ZBTB11: variants seen among roughly 807,000 people sequenced by gnomAD.
ZBTB11 encodes the protein zinc finger and BTB domain-containing protein 11.
In ZBTB11, 68 loss-of-function variants were observed where a neutral mutation model predicts 113.1. That is an observed-to-expected ratio of 0.60 (90% CI 0.49 to 0.74). The LOEUF is 0.74. ZBTB11 is among the 30% of genes least tolerant of loss of function. The pLI, the probability that ZBTB11 is intolerant of heterozygous loss-of-function variation, is 0.00. For synonymous variants in ZBTB11, 518 were observed against 452.6 expected, an observed-to-expected ratio of 1.14 and a Z score of -1.83; for missense variants, 1,104 against 1,279.4, an observed-to-expected ratio of 0.86 and a Z score of 2.09.
In ZBTB11 at chr3:101,676,681, C is replaced by T; in HGVS notation, c.234G>A (p.Ala78=). The T allele has an allele frequency of 6.3e-7, 1 of 1,594,358 alleles. No individual in the cohort carries two copies. The stretch of plus-strand genomic sequence containing the variant: ...GGTGAGTGCCGCCGGGACCCAGGTG[C>T]GCCGCCTCGATGAGGTCCCGGCGTC... ...PERRRDLIEA[A]HLGPGGTHHT... The change falls in exon 1 of 11, where the codon GCG becomes GCA. Residue 78 remains alanine (A), a synonymous_variant. Coordinates refer to ENST00000312938, the MANE Select transcript of ZBTB11 (RefSeq NM_014415.4).
intron 8 of ZBTB11, 98 bp from the exon 9 acceptor site, chr3:101,653,036 A>G (rs1209202930): frequency 1.6e-6 from 2 of 1,275,880 alleles, no homozygotes; most frequent in African/African-American, 1.5e-5. Context: ...GAACTCCAAA[A>G]GATGATCTCA....
intron 8 of ZBTB11, among the ~76,000 whole-genome samples, chr3:101,654,422 G>A (rs554883094): frequency 3.3e-5 from 5 of 152,054 alleles, no homozygotes; most frequent in African/African-American, 1.2e-4. Context: ...TGAAGAAGAG[G>A]GGGGGAAAGA....
At chr3:101,652,726 A>C in intron 9 of ZBTB11, 54 bp downstream of exon 9, 5 of 1,610,732 alleles carry the variant, frequency 3.1e-6, no homozygotes, top group Non-Finnish European at 3.4e-6. Flanking sequence ...CAGCCATAAC[A>C]ATCAGAGTAC....
At chr3:101,656,044 T>A in intron 7 of ZBTB11, 60 bp downstream of exon 7, 1 of 1,226,782 alleles carries the variant, frequency 8.2e-7, no homozygotes, top group Non-Finnish European at 1.1e-6. Context: ...CTGGTATAAT[T>A]AAAGCATAAT....
At chr3:101,668,744 C>T (rs1022764790) in intron 3 of ZBTB11, among the ~76,000 whole-genome samples, 7 of 151,736 alleles carry the variant, frequency 4.6e-5, no homozygotes, top group Non-Finnish European at 1.0e-4. Context: ...ATACATGTAC[C>T]AAAATATCAT....
At position 101,651,540 on chromosome 3, in the gene ZBTB11, G is replaced by A. The variant is rs907594503; in HGVS notation, c.2788C>T (p.Arg930Cys). The A allele has an allele frequency of 2.5e-6, 4 of 1,614,002 alleles. No individual in the cohort carries two copies. Among genetic ancestry groups the A allele is most frequent in the African/African-American group, 1.3e-5 (1 of 74,914 alleles). ...CTGTGGAATTTAGTCATATGTTTAC[G>A]GAGTGTTCGAGCATCTATGTAGGCT... ...SEAYIDARTL[R>C]KHMTKFHRDY... Residue 930 changes from arginine (R) to cysteine (C), a missense_variant, in exon 11 of 11, where the codon CGT (arginine) becomes TGT (cysteine). Coordinates refer to ENST00000312938, the MANE Select transcript of ZBTB11 (RefSeq NM_014415.4).
intron 6 of ZBTB11, among the ~76,000 whole-genome samples, chr3:101,657,527 C>A (rs190039694): frequency 2.6e-5 from 4 of 151,294 alleles, no homozygotes; most frequent in Non-Finnish European, 4.4e-5. Flanking sequence ...AAACAAAAAC[C>A]TGGCAGGGTG....
Position 101,659,774 on chromosome 3 carries a change from T to C in ZBTB11, c.2046+9A>G. 3 of 1,613,542 alleles carry C rather than the reference T, an allele frequency of 1.9e-6. No individual in the cohort carries two copies. Among genetic ancestry groups the C allele is most frequent in the South Asian group, 1.1e-5 (1 of 91,066 alleles). The stretch of plus-strand genomic sequence containing the variant: ...TCTTTAAATAGCAAAATAAACGTTA[T>C]AGCTTTACCTGGCATGCATGTGGCT... On this transcript the variant is annotated intron_variant, in intron 6 of 10. Coordinates refer to ENST00000312938, the MANE Select transcript of ZBTB11 (RefSeq NM_014415.4).
At position 101,649,200 on chromosome 3, in the gene ZBTB11, C is replaced by A. The variant is rs879465229; in HGVS notation, c.*1966G>T. The A allele has an allele frequency of 6.6e-6, 1 of 152,188 alleles. No homozygotes were observed. The highest frequency in any genetic ancestry group is 1.5e-5 in the Non-Finnish European group (1 of 68,024). 9.4% of individuals were successfully genotyped at this position (152,188 alleles called of 1,614,324 possible). A position where few individuals can be genotyped will look rare whatever the true frequency, so the allele number is the denominator to read the frequency against. On this transcript the variant is annotated 3_prime_UTR_variant, in exon 11 of 11. Coordinates refer to ENST00000312938, the MANE Select transcript of ZBTB11 (RefSeq NM_014415.4). ...GGCATGAAAACAGGAATGCCTGTTCCCATTTAGGGCCATGGGTTTCCAGGC... is the reference window on the plus strand; with the variant it reads ...GGCATGAAAACAGGAATGCCTGTTCACATTTAGGGCCATGGGTTTCCAGGC...
In ZBTB11 at chr3:101,664,733, C is replaced by A. The variant is rs1160137087; in HGVS notation, c.1624-19G>T. 3 of 1,568,824 alleles carry A rather than the reference C, an allele frequency of 1.9e-6. No individual in the cohort carries two copies. The highest frequency in any genetic ancestry group is 1.4e-5 in the African/African-American group (1 of 72,458). ...GAGCCACCTAGTAAGGGATAGAAAT[C>A]ACAATCTAAGTAAATCTACTCAATT... On this transcript the variant is annotated intron_variant, in intron 4 of 10. Transcript: ENST00000312938.
At chr3:101,664,047 G>C (rs1427018836) in intron 5 of ZBTB11, among the ~76,000 whole-genome samples, 3 of 152,218 alleles carry the variant, frequency 2.0e-5, no homozygotes, top group African/African-American at 7.2e-5. Context: ...CCTTTCCAGA[G>C]AGTAGAAGAT....
In ZBTB11 at chr3:101,659,930, C is replaced by T. The variant is rs369601311; in HGVS notation, c.1899G>A (p.Thr633=). The change falls in exon 6 of 11, where the codon ACG becomes ACA. Residue 633 remains threonine (T), a synonymous_variant. Coordinates refer to ENST00000312938, the MANE Select transcript of ZBTB11 (RefSeq NM_014415.4). ...ATGATGTTCCCGATGCTTCATTAGA[C>T]GTGGAATTGGACGAGGATGAAGAGG... is the stretch of plus-strand genomic sequence containing the variant. ...DAPSSSSSNS[T]SNEASGTSSE... 2.4e-5 allele frequency: 38 copies of T among 1,613,924 alleles called. No individual in the cohort carries two copies. The highest frequency in any genetic ancestry group is 1.6e-4 in the Middle Eastern group (1 of 6,084).
rs1474655532 is a variant in ZBTB11 at position 101,651,372 on chromosome 3, C to T, written c.2956G>A (p.Val986Met). 2 of 1,613,988 alleles carry T rather than the reference C, an allele frequency of 1.2e-6. No individual in the cohort carries two copies. Among genetic ancestry groups the T allele is most frequent in the Admixed American group, 3.3e-5 (2 of 60,010 alleles). The change falls in exon 11 of 11, where the codon GTG becomes ATG. Residue 986 changes from valine to methionine, a missense_variant. Physicochemically the swap from Val to Met is conservative, Grantham distance 21 (BLOSUM62 1). Around this residue, in one of 5 missense-constraint regions of ZBTB11, gnomAD observed 90 missense variants for 98.0 expected, o/e 0.92. Coordinates refer to ENST00000312938, the MANE Select transcript of ZBTB11 (RefSeq NM_014415.4). Reference protein sequence around the residue: ...ESSGPQELETVVVTGETMEAL... With the variant: ...ESSGPQELETMVVTGETMEAL... ...TCCATAGTTTCTCCTGTCACTACCACAGTCTCAAGTTCTTGAGGACCACTG... is the reference window on the plus strand; with the variant it reads ...TCCATAGTTTCTCCTGTCACTACCATAGTCTCAAGTTCTTGAGGACCACTG...
chr3:101,671,100 CAA>C (rs749540770), intron 3 of ZBTB11, 28 bp downstream of exon 3: 1 of 1,579,936 alleles, frequency 6.3e-7, no homozygotes, highest in South Asian at 1.1e-5. Context: ...TCATTACAAA[CAA>C]AAAGCAAGAG....
At position 101,677,045 on chromosome 3, in the gene ZBTB11, G is replaced by T. The variant is rs1434115578; in HGVS notation, c.-131C>A. ...GCTGCGCCTTTGGCGAGCGCTCTTC[G>T]ACGGCTCCCTTAGTCCGAAGGAAAA... On this transcript the variant is annotated 5_prime_UTR_variant, in exon 1 of 11. Transcript: ENST00000312938. The T allele has an allele frequency of 1.3e-5, 13 of 1,031,276 alleles. No homozygotes were observed. Among genetic ancestry groups the T allele is most frequent in the Middle Eastern group, 6.5e-4 (2 of 3,080 alleles). 63.9% of individuals were successfully genotyped at this position (1,031,276 alleles called of 1,614,324 possible).
intron 1 of ZBTB11, among the ~76,000 whole-genome samples, chr3:101,674,696 C>CAATA (rs537374741): frequency 5.6e-5 from 8 of 144,006 alleles, no homozygotes; most frequent in East Asian, 2.1e-4. Flanking sequence ...GACTCTGTCT[C>CAATA]AATAAATAAA....
intron 1 of ZBTB11, among the ~76,000 whole-genome samples, chr3:101,673,519 C>CT (rs34431886): frequency 0.33 from 48,868 of 148,098 alleles, 8,381 homozygotes; most frequent in Middle Eastern, 0.48. Context: ...GCTCCTTACA[C>CT]TTTTTTTTTT....
At chr3:101,660,910 C>A (rs1284871133) in intron 5 of ZBTB11, among the ~76,000 whole-genome samples, 2 of 151,982 alleles carry the variant, frequency 1.3e-5, no homozygotes, top group Admixed American at 6.6e-5. Context: ...ATTTAAAACC[C>A]ATCCCCTTTT....
At position 101,659,829 on chromosome 3, in the gene ZBTB11, C is replaced by T. The variant is rs1447529156; in HGVS notation, c.2000G>A (p.Arg667Gln). The change falls in exon 6 of 11, where the codon CGA (arginine) becomes CAA (glutamine). Residue 667 changes from arginine to glutamine, a missense_variant. By Grantham distance (43) the Arg-to-Gln change is conservative. Transcript: ENST00000312938. ...ACCTGTGTGCTTTAACATATGTATT[C>T]GGAGAGAATATAATTTAGGTAATGT... Reference protein sequence around the residue: ...GRTLPKLYSLRIHMLKHTGVK... With the variant: ...GRTLPKLYSLQIHMLKHTGVK... 10 of 1,614,080 alleles carry T rather than the reference C, an allele frequency of 6.2e-6. No individual in the cohort carries two copies. Among genetic ancestry groups the T allele is most frequent in the East Asian group, 4.5e-5 (2 of 44,876 alleles).
Sources: allele counts gnomAD v4.1 joint callset (sites outside exome capture counted in the v4.1 genomes callset), GRCh38; gene constraint gnomAD v4.1.1; regional missense constraint gnomAD v4.1.1; transcripts MANE v1.5; gene names NCBI Gene and HGNC (gene_info 2026-07-23, HGNC 2026-07-21).